The following XPR1 variants were observed in gnomAD, a reference collection of about 807,000 sequenced individuals.
The protein encoded by XPR1 is xenotropic and polytropic retrovirus receptor 1, also known as solute carrier family 53 member 1.
A neutral mutation model predicts 87.5 loss-of-function variants in XPR1; 28 were observed. That is an observed-to-expected ratio of 0.32 (90% confidence interval 0.24 to 0.44). The LOEUF (loss-of-function observed/expected upper bound fraction) is 0.44. XPR1 is among the 20% of genes least tolerant of loss of function. The pLI is 1.00. For missense variants in XPR1, 559 were observed against 862.3 expected, an observed-to-expected ratio of 0.65 and a Z score of 4.41; for synonymous variants, 300 against 306.1, an observed-to-expected ratio of 0.98 and a Z score of 0.21.
At chr1:180,678,586 A>G (rs1656441547) in intron 1 of XPR1, among the ~76,000 whole-genome samples, 1 of 152,258 alleles carries the variant, frequency 6.6e-6, no homozygotes, top group Non-Finnish European at 1.5e-5. Context: ...ATGTGACATT[A>G]AAAATTTTTG....
chr1:180,761,972 G>T (rs1648052870), intron 2 of XPR1, among the ~76,000 whole-genome samples: 1 of 151,992 alleles, frequency 6.6e-6, no homozygotes, highest in Non-Finnish European at 1.5e-5. Context: ...TCCTTTGTAG[G>T]GACATGGATG....
intron 2 of XPR1, among the ~76,000 whole-genome samples, chr1:180,775,593 A>G (rs918948931): frequency 6.6e-6 from 1 of 152,210 alleles, no homozygotes; most frequent in Non-Finnish European, 1.5e-5. Flanking sequence ...TAGGATTACT[A>G]ATAGTTTAGT....
chr1:180,702,127 G>A (rs1657354937), intron 2 of XPR1, among the ~76,000 whole-genome samples: 2 of 73,712 alleles, frequency 2.7e-5, no homozygotes, highest in East Asian at 2.8e-4. Flanking sequence ...AGAGATTCTG[G>A]TATGTGGTGT....
intron 2 of XPR1, among the ~76,000 whole-genome samples, chr1:180,732,784 C>T (rs912956534): frequency 5.9e-5 from 9 of 152,180 alleles, no homozygotes; most frequent in East Asian, 1.9e-4. Context: ...TTTACCTTGT[C>T]GCAAGGACAG....
chr1:180,825,301 A>G lies in XPR1; in HGVS notation c.1091A>G (p.Lys364Arg). ...FMVFFLINPT[K>R]TFYYKSRFWL... ...GTTTTCTTCCTTATCAACCCCACCA[A>G]AACTTTCTACTATAAATCCCGGTTT... Residue 364 changes from lysine (K) to arginine (R), a missense_variant, in exon 9 of 15, where the codon AAA becomes AGA. Lys to Arg is a conservative substitution (Grantham distance 26). Coordinates refer to ENST00000367590, the MANE Select transcript of XPR1 (RefSeq NM_004736.4). 6.2e-7 allele frequency: 1 copy of G among 1,613,834 alleles called. No homozygotes were observed. Among genetic ancestry groups the G allele is most frequent in the Non-Finnish European group, 8.5e-7 (1 of 1,179,950 alleles).
intron 6 of XPR1, among the ~76,000 whole-genome samples, chr1:180,808,430 A>T (rs1005307417): frequency 3.3e-5 from 5 of 152,166 alleles, no homozygotes; most frequent in African/African-American, 9.6e-5. Flanking sequence ...TTATGCAAAG[A>T]TTTCTTAGAA....
chr1:180,706,808 C>G lies in XPR1; in HGVS notation c.121+24397C>G, dbSNP rs547609921. 4.0e-5 allele frequency among the ~76,000 whole-genome samples: 6 copies of G among 151,870 alleles called. 1 individual carries two copies. In the South Asian group the frequency reaches 1.3e-3, roughly 32 times the overall value. On this transcript the variant is annotated intron_variant, in intron 2 of 14. Transcript: ENST00000367590. ...TTTTATTTTTTATTTTTAGTAGAGACAGGATTTTACCATGTTGGCCAGGCT... is the reference window on the plus strand; with the variant it reads ...TTTTATTTTTTATTTTTAGTAGAGAGAGGATTTTACCATGTTGGCCAGGCT...
intron 1 of XPR1, among the ~76,000 whole-genome samples, chr1:180,663,517 G>A (rs1655849240): frequency 1.3e-5 from 2 of 152,138 alleles, no homozygotes; most frequent in Non-Finnish European, 2.9e-5. Flanking sequence ...CTGTGCTGAG[G>A]TGCCTGGAGC....
intron 11 of XPR1, among the ~76,000 whole-genome samples, chr1:180,845,776 T>C (rs1651660459): frequency 6.6e-6 from 1 of 152,260 alleles, no homozygotes; most frequent in African/African-American, 2.4e-5. Context: ...CTGAGCCTGC[T>C]GACACACTTA....
At chr1:180,706,908 A>G (rs1035946566) in intron 2 of XPR1, among the ~76,000 whole-genome samples, 2 of 152,162 alleles carry the variant, frequency 1.3e-5, no homozygotes, top group Non-Finnish European at 2.9e-5. Flanking sequence ...GTGAACCACC[A>G]TGGCCAGCCC....
chr1:180,734,771 A>G (rs919771550), intron 2 of XPR1, among the ~76,000 whole-genome samples: 1 of 152,134 alleles, frequency 6.6e-6, no homozygotes, highest in African/African-American at 2.4e-5. Context: ...TACCATGAAG[A>G]TTGGTATCTT....
intron 1 of XPR1, among the ~76,000 whole-genome samples, chr1:180,680,599 G>A (rs1482949840): frequency 2.0e-5 from 3 of 151,984 alleles, no homozygotes; most frequent in Non-Finnish European, 2.9e-5. Flanking sequence ...TTTTGACCTC[G>A]TGATCCGCTC....
chr1:180,687,020 G>A (rs1466067288), intron 2 of XPR1, among the ~76,000 whole-genome samples: 1 of 152,068 alleles, frequency 6.6e-6, no homozygotes, highest in Non-Finnish European at 1.5e-5. Context: ...AGGTTTAACA[G>A]TAAGTTTAGT....
chr1:180,756,649 T>G (rs1647760307), intron 2 of XPR1, among the ~76,000 whole-genome samples: 1 of 152,246 alleles, frequency 6.6e-6, no homozygotes, highest in Non-Finnish European at 1.5e-5. Flanking sequence ...TTATCTCATT[T>G]TTCTTTCATT....
chr1:180,689,508 G>A (rs1289350645), intron 2 of XPR1, among the ~76,000 whole-genome samples: 2 of 152,000 alleles, frequency 1.3e-5, no homozygotes, highest in Admixed American at 6.5e-5. Flanking sequence ...CAGAAGTATT[G>A]GGGAAGGTTT....
intron 1 of XPR1, among the ~76,000 whole-genome samples, chr1:180,648,478 T>C (rs1473315246): frequency 6.6e-6 from 1 of 152,234 alleles, no homozygotes; most frequent in African/African-American, 2.4e-5. Flanking sequence ...CTATAGAAAG[T>C]AGAATTTCTG....
chr1:180,855,361 G>T (rs1276505328), intron 11 of XPR1, among the ~76,000 whole-genome samples: 1 of 152,090 alleles, frequency 6.6e-6, no homozygotes, highest in Non-Finnish European at 1.5e-5. Context: ...TCTCAAAAAT[G>T]TTAACTTGAA....
chr1:180,763,728 T>G lies in XPR1; in HGVS notation c.122-24025T>G, dbSNP rs76700867. On this transcript the variant is annotated intron_variant, in intron 2 of 14. Coordinates refer to ENST00000367590, the MANE Select transcript of XPR1 (RefSeq NM_004736.4). ...AGATATATTGGTCAGCTTATAAAAT[T>G]AAAGAGTGACTTCTAAATCAAAAAC... 3.3e-3 allele frequency among the ~76,000 whole-genome samples: 498 copies of G among 152,302 alleles called. 7 individuals carry two copies. Among genetic ancestry groups the G allele is most frequent in the African/African-American group, 0.011 (477 of 41,572 alleles).
intron 2 of XPR1, among the ~76,000 whole-genome samples, chr1:180,732,047 G>A (rs762085397): frequency 2.0e-5 from 3 of 152,156 alleles, no homozygotes; most frequent in Non-Finnish European, 4.4e-5. Flanking sequence ...ACAAAAATTA[G>A]CCAGGCGTGG....
Sources: gnomAD v4.1 joint callset for allele counts (sites outside exome capture counted in the v4.1 genomes callset) on GRCh38, gnomAD v4.1.1 for gene constraint, MANE v1.5 for transcripts, NCBI Gene and HGNC (gene_info 2026-07-23, HGNC 2026-07-21) for gene names.